CCBE1: variants seen among roughly 807,000 people sequenced by gnomAD.
CCBE1 encodes collagen and calcium binding EGF domains 1.
CCBE1 carries 37 observed loss-of-function variants against 50.0 expected under a neutral mutation model. The ratio of observed to expected loss-of-function variants is 0.74; its 90% CI spans 0.57 to 0.97. The LOEUF (loss-of-function observed/expected upper bound fraction) is 0.97. CCBE1 is among the 50% of genes least tolerant of loss of function. The pLI is 0.00. For missense variants in CCBE1, 538 were observed against 523.8 expected, an observed-to-expected ratio of 1.03 and a Z score of -0.26; for synonymous variants, 234 against 203.7, an observed-to-expected ratio of 1.15 and a Z score of -1.27.
Position 59,472,045 on chromosome 18 carries a change from A to G in CCBE1, c.266-2438T>C, listed in dbSNP as rs188574312. Reference sequence around the variant, plus strand: ...CAAAATCCAGCTTGTATTTTTTCCAACACTTGCAAAATCAGCCTCACTATA... The same window carrying G: ...CAAAATCCAGCTTGTATTTTTTCCAGCACTTGCAAAATCAGCCTCACTATA... On this transcript the variant is annotated intron_variant, in intron 3 of 10. Transcript: ENST00000439986. 4.4e-3 allele frequency among the ~76,000 whole-genome samples: 672 copies of G among 152,356 alleles called. 1 individual carries two copies. Among genetic ancestry groups the G allele is most frequent in the African/African-American group, 0.015 (620 of 41,588 alleles).
At position 59,687,699 on chromosome 18, in the gene CCBE1, C is replaced by A. The variant is rs116313133; in HGVS notation, c.212+8930G>T. Among the ~76,000 whole-genome samples, 969 of 152,320 alleles carry A rather than the reference C, an allele frequency of 6.4e-3. 12 individuals carry two copies. The highest frequency in any genetic ancestry group is 0.022 in the African/African-American group (927 of 41,566). Reference sequence around the variant, plus strand: ...AAGTTTAGGCTGGGTTCAAGTGGCTCACACCTGTAATCCCAGTACTTTGGG... The same window carrying A: ...AAGTTTAGGCTGGGTTCAAGTGGCTAACACCTGTAATCCCAGTACTTTGGG... On this transcript the variant is annotated intron_variant, in intron 2 of 10. Transcript: ENST00000439986.
rs1446554069 is a variant in CCBE1 at position 59,436,085 on chromosome 18, G to A, written c.1044C>T (p.Asp348=). ...ACACCTTTTCCTGCAGCTCAGTGAT[G>A]TCATTGCGGATGTCAGCCAGCATAA... The part of the protein sequence containing the change: ...LLLMLADIRN[D]ITELQEKVFG... Residue 348 remains aspartate, a synonymous_variant, in exon 11 of 11, where the codon GAC becomes GAT. Coordinates refer to ENST00000439986, the MANE Select transcript of CCBE1 (RefSeq NM_133459.4). 2 of 1,614,192 alleles carry A rather than the reference G, an allele frequency of 1.2e-6. No individual in the cohort carries two copies. The highest frequency in any genetic ancestry group is 1.7e-6 in the Non-Finnish European group (2 of 1,180,028).
intron 2 of CCBE1, among the ~76,000 whole-genome samples, chr18:59,593,286 A>C (rs2053301184): frequency 1.3e-5 from 2 of 152,236 alleles, no homozygotes; most frequent in African/African-American, 2.4e-5. Flanking sequence ...AGGCATCCTT[A>C]AATCTTCAGT....
intron 2 of CCBE1, among the ~76,000 whole-genome samples, chr18:59,556,771 C>G (rs1377732109): frequency 6.6e-6 from 1 of 152,118 alleles, no homozygotes; most frequent in African/African-American, 2.4e-5. Context: ...GTGGAAATGT[C>G]CAAGGAAAGA....
intron 2 of CCBE1, among the ~76,000 whole-genome samples, chr18:59,632,499 C>T (rs914128889): frequency 2.0e-5 from 3 of 152,134 alleles, no homozygotes; most frequent in African/African-American, 7.2e-5. Context: ...GTCTTGAACT[C>T]GTGGCCTCAG....
chr18:59,609,872 T>G (rs1219605788), intron 2 of CCBE1, among the ~76,000 whole-genome samples: 1 of 152,230 alleles, frequency 6.6e-6, no homozygotes, highest in East Asian at 1.9e-4. Flanking sequence ...AGGGATAATA[T>G]TCAATGTGAT....
At chr18:59,447,227 A>G (rs543585112) in intron 7 of CCBE1, among the ~76,000 whole-genome samples, 4 of 152,342 alleles carry the variant, frequency 2.6e-5, no homozygotes, top group East Asian at 1.9e-4. Context: ...ATGTGTGTGT[A>G]TATATGTGTA....
At chr18:59,674,437 G>A (rs1193897771) in intron 2 of CCBE1, among the ~76,000 whole-genome samples, 3 of 152,112 alleles carry the variant, frequency 2.0e-5, no homozygotes, top group African/African-American at 7.2e-5. Context: ...CATGGATACA[G>A]GGAGGGAAAC....
intron 2 of CCBE1, among the ~76,000 whole-genome samples, chr18:59,672,023 A>G (rs2054439116): frequency 6.6e-6 from 1 of 152,194 alleles, no homozygotes; most frequent in African/African-American, 2.4e-5. Context: ...GGACGTGGAG[A>G]CTGTCCATTC....
At chr18:59,484,262 T>G (rs970670386) in intron 2 of CCBE1, among the ~76,000 whole-genome samples, 2 of 152,212 alleles carry the variant, frequency 1.3e-5, no homozygotes, top group South Asian at 4.1e-4. Context: ...ACTAGATGAT[T>G]TGAAACTCCA....
chr18:59,684,714 A>G (rs2054634810), intron 2 of CCBE1, among the ~76,000 whole-genome samples: 2 of 152,210 alleles, frequency 1.3e-5, no homozygotes, highest in Admixed American at 1.3e-4. Flanking sequence ...CAAAAAGACA[A>G]TTACATATAC....
At chr18:59,505,544 G>A (rs927407559) in intron 2 of CCBE1, among the ~76,000 whole-genome samples, 1 of 152,178 alleles carries the variant, frequency 6.6e-6, no homozygotes, top group African/African-American at 2.4e-5. Context: ...CTAAGGATGA[G>A]CTTTAAACTC....
chr18:59,652,902 T>C (rs1018658690), intron 2 of CCBE1, among the ~76,000 whole-genome samples: 1 of 151,800 alleles, frequency 6.6e-6, no homozygotes, highest in Non-Finnish European at 1.5e-5. Flanking sequence ...AGGCGGAGCT[T>C]GCAGTGAACC....
At chr18:59,473,776 TTTCC>T (rs1912163691) in intron 3 of CCBE1, among the ~76,000 whole-genome samples, 1 of 66,568 alleles carries the variant, frequency 1.5e-5, no homozygotes, top group African/African-American at 5.6e-5. Context: ...CTTCCCACTA[TTTCC>T]TCCCCACTAC....
chr18:59,441,918 T>C (rs1910444824), intron 7 of CCBE1, among the ~76,000 whole-genome samples: 2 of 152,184 alleles, frequency 1.3e-5, no homozygotes, highest in African/African-American at 4.8e-5. Flanking sequence ...AACCCTACAG[T>C]GGCTCCCCTC....
chr18:59,437,586 C>T (rs1910216783), intron 10 of CCBE1, among the ~76,000 whole-genome samples: 1 of 152,244 alleles, frequency 6.6e-6, no homozygotes, highest in Non-Finnish European at 1.5e-5. Context: ...TTTGAATTTT[C>T]TATGCTTTTG....
chr18:59,459,119 G>A (rs77878965), intron 5 of CCBE1: 1 of 152,290 alleles, frequency 6.6e-6, no homozygotes, highest in East Asian at 1.9e-4. Context: ...CCCAGCTTAT[G>A]TTAAGAGCTC....
At chr18:59,674,887 AAATAAC>A (rs1384639172) in intron 2 of CCBE1, among the ~76,000 whole-genome samples, 1 of 152,236 alleles carries the variant, frequency 6.6e-6, no homozygotes, top group African/African-American at 2.4e-5. Flanking sequence ...GGAATTTAAT[AAATAAC>A]AATAACATTT....
chr18:59,630,648 G>A (rs373190102), intron 2 of CCBE1, among the ~76,000 whole-genome samples: 14 of 152,210 alleles, frequency 9.2e-5, no homozygotes, highest in Non-Finnish European at 1.5e-4. Context: ...ACCAGAACAC[G>A]TAAGTGTGAC....
Sources: gnomAD v4.1 joint callset for allele counts (sites outside exome capture counted in the v4.1 genomes callset) on GRCh38, gnomAD v4.1.1 for gene constraint, MANE v1.5 for transcripts, NCBI Gene and HGNC (gene_info 2026-07-23, HGNC 2026-07-21) for gene names.